The following APBB2 variants were observed in gnomAD, a reference collection of about 807,000 sequenced individuals.
The protein encoded by APBB2 is Fe65-like 1.
A neutral mutation model predicts 82.5 loss-of-function variants in APBB2; 38 were observed. That is an observed-to-expected ratio of 0.46 (90% CI 0.36 to 0.60). The LOEUF (loss-of-function observed/expected upper bound fraction) is 0.60, where lower values mean the gene tolerates loss of function less well. Ranked by LOEUF, APBB2 falls within the 20% of genes least tolerant of loss-of-function variation. The pLI, the probability that APBB2 is intolerant of heterozygous loss-of-function variation, is 0.00. For synonymous variants in APBB2, 341 were observed against 368.2 expected, an observed-to-expected ratio of 0.93 and a Z score of 0.85; for missense variants, 772 against 972.3, an observed-to-expected ratio of 0.79 and a Z score of 2.74.
At chr4:40,871,054 G>T (rs1765386650) in intron 12 of APBB2, among the ~76,000 whole-genome samples, 1 of 151,718 alleles carries the variant, frequency 6.6e-6, no homozygotes, top group Non-Finnish European at 1.5e-5. Context: ...CTTATGACTG[G>T]ATTTAGGTCC....
intron 2 of APBB2, among the ~76,000 whole-genome samples, chr4:41,113,009 C>T (rs1322443765): frequency 6.6e-6 from 1 of 151,890 alleles, no homozygotes; most frequent in Non-Finnish European, 1.5e-5. Flanking sequence ...AATGTGGTTT[C>T]ATATCTGTGA....
intron 17 of APBB2, among the ~76,000 whole-genome samples, 175 bp downstream of exon 17, chr4:40,821,696 T>C (rs1362460785): frequency 1.3e-5 from 2 of 152,228 alleles, no homozygotes; most frequent in South Asian, 4.1e-4. Context: ...CCTTTGGAGA[T>C]GTAATCTGTT....
chr4:41,178,509 G>A (rs1474242690), intron 1 of APBB2, among the ~76,000 whole-genome samples: 1 of 152,176 alleles, frequency 6.6e-6, no homozygotes, highest in Non-Finnish European at 1.5e-5. Context: ...CAGGAGATAA[G>A]GTGTGTGTTT....
chr4:40,959,536 T>C (rs912562972), intron 6 of APBB2, among the ~76,000 whole-genome samples: 16 of 152,326 alleles, frequency 1.1e-4, no homozygotes, highest in Middle Eastern at 3.4e-3. Flanking sequence ...AATGGTGGCA[T>C]GCCAGGACTT....
At chr4:41,090,994 G>GT (rs1325255079) in intron 3 of APBB2, among the ~76,000 whole-genome samples, 2 of 152,148 alleles carry the variant, frequency 1.3e-5, no homozygotes, top group African/African-American at 4.8e-5. Context: ...GCAATAGTCT[G>GT]TAAGTGTGAA....
chr4:40,974,121 G>C (rs531059206), intron 6 of APBB2, among the ~76,000 whole-genome samples: 46 of 151,946 alleles, frequency 3.0e-4, no homozygotes, highest in Admixed American at 2.9e-3. Context: ...AAAAGTGCTG[G>C]GATTACAGGT....
rs564897997 is a variant in APBB2 at position 40,888,184 on chromosome 4, ACACATG to A, written c.1529+2174_1529+2179del. ...CCTATCACTGAACCGATTACTGTAT[ACACATG>A]CACATGCACATATACGTATGTGTTG... On this transcript the variant is annotated intron_variant, in intron 12 of 17. Transcript: ENST00000508593. 2.2e-3 allele frequency among the ~76,000 whole-genome samples: 336 copies of A among 152,354 alleles called. 3 individuals are homozygous for A. Among genetic ancestry groups the A allele is most frequent in the Non-Finnish European group, 1.7e-3 (114 of 68,036 alleles).
chr4:41,034,528 T>TTGA (rs1718373154), intron 4 of APBB2, among the ~76,000 whole-genome samples: 1 of 152,220 alleles, frequency 6.6e-6, no homozygotes, highest in African/African-American at 2.4e-5. Context: ...TTTCACCATG[T>TTGA]TGACCAGGTT....
intron 1 of APBB2, among the ~76,000 whole-genome samples, chr4:41,155,443 A>T (rs527768755): frequency 2.0e-5 from 3 of 152,218 alleles, no homozygotes; most frequent in African/African-American, 7.2e-5. Flanking sequence ...TAACAAGCAC[A>T]ACTGATTATA....
intron 1 of APBB2, among the ~76,000 whole-genome samples, chr4:41,162,062 T>G (rs751317995): frequency 6.6e-6 from 1 of 152,072 alleles, no homozygotes; most frequent in Non-Finnish European, 1.5e-5. Flanking sequence ...CACAAATATT[T>G]CAGCATATAT....
chr4:41,081,596 TA>T (rs1737639094), intron 3 of APBB2, among the ~76,000 whole-genome samples: 1 of 152,188 alleles, frequency 6.6e-6, no homozygotes. Context: ...CTTAGTTATA[TA>T]AAATTTTTTT....
intron 6 of APBB2, among the ~76,000 whole-genome samples, chr4:40,973,533 A>G (rs780514596): frequency 6.6e-6 from 1 of 152,192 alleles, no homozygotes; most frequent in Non-Finnish European, 1.5e-5. Flanking sequence ...ATTCACACAG[A>G]AATGTATTAC....
intron 1 of APBB2, among the ~76,000 whole-genome samples, chr4:41,169,962 T>C (rs1580592725): frequency 6.6e-6 from 1 of 152,134 alleles, no homozygotes; most frequent in Non-Finnish European, 1.5e-5. Context: ...TCTATTAATC[T>C]AAGAAAATCC....
At chr4:40,911,854 G>A (rs1473494754) in intron 10 of APBB2, among the ~76,000 whole-genome samples, 2 of 152,058 alleles carry the variant, frequency 1.3e-5, no homozygotes, top group Non-Finnish European at 2.9e-5. Context: ...GTACCAGTGG[G>A]ATCTAGATAA....
chr4:40,991,406 A>G (rs1579059484), intron 6 of APBB2, among the ~76,000 whole-genome samples: 1 of 151,738 alleles, frequency 6.6e-6, no homozygotes, highest in Non-Finnish European at 1.5e-5. Flanking sequence ...AAACCCTCAC[A>G]CCCCTTACGA....
Position 40,839,670 on chromosome 4 carries a change from C to CT in APBB2, c.1530-9094dup, listed in dbSNP as rs551355165. Among the ~76,000 whole-genome samples, 677 of 144,840 alleles carry CT rather than the reference C, an allele frequency of 4.7e-3. 9 individuals carry two copies. Among genetic ancestry groups the CT allele is most frequent in the Non-Finnish European group, 4.1e-3 (271 of 65,438 alleles). On this transcript the variant is annotated intron_variant, in intron 12 of 17. Coordinates refer to ENST00000508593, the MANE Select transcript of APBB2 (RefSeq NM_004307.2). ...TATCCATGAGGGATTTTTCTTTTTT[C>CT]TTTTTTTTTTTTGAGGTGGAGTCTC...
At position 40,912,200 on chromosome 4, in the gene APBB2, G is replaced by C. The variant is rs896429728; in HGVS notation, c.1255-18789C>G. Among the ~76,000 whole-genome samples, 3 of 152,174 alleles carry C rather than the reference G, an allele frequency of 2.0e-5. No individual in the cohort carries two copies. The East Asian group carries it at 5.8e-4, about 29-fold the overall frequency. Reference sequence around the variant, plus strand: ...ATCCAACCCCTGGCAGTCTGACATAGGGCTGCTGTCAAATCCCCATAGCCA... The same window carrying C: ...ATCCAACCCCTGGCAGTCTGACATACGGCTGCTGTCAAATCCCCATAGCCA... On this transcript the variant is annotated intron_variant, in intron 10 of 17. Coordinates refer to ENST00000508593, the MANE Select transcript of APBB2 (RefSeq NM_004307.2).
intron 7 of APBB2, among the ~76,000 whole-genome samples, chr4:40,938,334 G>C (rs964012815): frequency 5.9e-5 from 9 of 152,162 alleles, no homozygotes; most frequent in Non-Finnish European, 8.8e-5. Flanking sequence ...TGTGTCTAGG[G>C]GGACTGACCC....
intron 1 of APBB2, among the ~76,000 whole-genome samples, chr4:41,157,522 G>A (rs911635189): frequency 6.6e-6 from 1 of 152,130 alleles, no homozygotes; most frequent in African/African-American, 2.4e-5. Flanking sequence ...GCAAATATGA[G>A]AGATGGAATT....
Sources: allele counts gnomAD v4.1 joint callset (sites outside exome capture counted in the v4.1 genomes callset), GRCh38; gene constraint gnomAD v4.1.1; transcripts MANE v1.5; gene names NCBI Gene and HGNC (gene_info 2026-07-23, HGNC 2026-07-21).